Variants in SMYD3 observed in about 807,000 individuals in gnomAD.
SMYD3 encodes the protein histone-lysine N-methyltransferase SMYD3.
In SMYD3, 36 loss-of-function variants were observed where a neutral mutation model predicts 57.7. The observed-to-expected ratio is 0.62, with a 90% confidence interval of 0.48 to 0.82. The LOEUF is 0.82. Ranked by LOEUF, SMYD3 falls within the 40% of genes least tolerant of loss-of-function variation. SMYD3 has a pLI of 0.00. For missense variants in SMYD3, 515 were observed against 538.8 expected, an observed-to-expected ratio of 0.96 and a Z score of 0.44; for synonymous variants, 211 against 195.0, an observed-to-expected ratio of 1.08 and a Z score of -0.68.
chr1:246,330,665 C>G (rs1038309313), intron 3 of SMYD3, 128 bp from the exon 4 acceptor site: 1 of 612,270 alleles, frequency 1.6e-6, no homozygotes, highest in African/African-American at 1.9e-5. Flanking sequence ...TATATTCTTT[C>G]TATTCATCAC....
At chr1:246,216,369 C>T (rs1380589999) in intron 5 of SMYD3, among the ~76,000 whole-genome samples, 1 of 151,688 alleles carries the variant, frequency 6.6e-6, no homozygotes, top group Admixed American at 6.6e-5. Context: ...ATATGGTGAC[C>T]CCAACAACCC....
At chr1:246,398,103 T>C (rs1236645781) in intron 1 of SMYD3, among the ~76,000 whole-genome samples, 2 of 152,130 alleles carry the variant, frequency 1.3e-5, no homozygotes, top group Admixed American at 6.5e-5. Context: ...ACGTCATCTG[T>C]AGGAGCAATT....
At chr1:246,488,421 G>A (rs910067199) in intron 1 of SMYD3, among the ~76,000 whole-genome samples, 7 of 152,220 alleles carry the variant, frequency 4.6e-5, no homozygotes, top group African/African-American at 1.7e-4. Flanking sequence ...TGGGCGTGGT[G>A]GCTCATGCCT....
chr1:246,443,446 C>CA (rs1400140280), intron 1 of SMYD3, among the ~76,000 whole-genome samples: 1 of 152,208 alleles, frequency 6.6e-6, no homozygotes, highest in Non-Finnish European at 1.5e-5. Context: ...CATTAAGAAG[C>CA]AGCCTCTCAG....
At chr1:245,964,564 T>C (rs533996360) in intron 5 of SMYD3, among the ~76,000 whole-genome samples, 54 of 152,288 alleles carry the variant, frequency 3.5e-4, no homozygotes, top group African/African-American at 1.3e-3. Context: ...TTGAAAATGA[T>C]GAATAAGCTA....
intron 2 of SMYD3, among the ~76,000 whole-genome samples, chr1:246,348,878 T>C (rs151205365): frequency 1.2e-3 from 184 of 152,168 alleles, no homozygotes; most frequent in Non-Finnish European, 2.0e-3. Context: ...AACTTACATA[T>C]AGAGGAACAA....
chr1:245,940,511 G>T (rs1433552341), intron 5 of SMYD3, among the ~76,000 whole-genome samples: 107 of 152,102 alleles, frequency 7.0e-4, no homozygotes, highest in Non-Finnish European at 1.0e-4. Context: ...AATACGGTCT[G>T]GAATGGACTC....
rs200773223 is a variant in SMYD3, at chr1:246,260,446, T to TG, written c.531+66754_531+66755insC. 7.1e-3 allele frequency among the ~76,000 whole-genome samples: 1,081 copies of TG among 151,954 alleles called. 16 individuals are homozygous for TG. The highest frequency in any genetic ancestry group is 0.024 in the African/African-American group (984 of 41,342). On this transcript the variant is annotated intron_variant, in intron 5 of 11. Transcript: ENST00000490107. ...CTTTTGTTGTTGTTGTTGTTGTTGT[T>TG]TTTTGTTTGTTTGTTTCTTTTTTGA...
At chr1:246,082,714 TTA>T in intron 5 of SMYD3, among the ~76,000 whole-genome samples, 1 of 152,048 alleles carries the variant, frequency 6.6e-6, no homozygotes, top group Admixed American at 6.5e-5. Flanking sequence ...GATCAGACTG[TTA>T]CTGTGTCTAT....
chr1:246,470,378 C>A (rs1256365490), intron 1 of SMYD3, among the ~76,000 whole-genome samples: 1 of 151,844 alleles, frequency 6.6e-6, no homozygotes, highest in Non-Finnish European at 1.5e-5. Flanking sequence ...CACGTGTAAT[C>A]CCAGCTACTC....
intron 5 of SMYD3, among the ~76,000 whole-genome samples, chr1:246,139,258 G>A (rs982691464): frequency 1.1e-4 from 16 of 152,240 alleles, no homozygotes; most frequent in African/African-American, 3.9e-4. Context: ...ACCAAAAAAT[G>A]TTTATAAAAT....
intron 5 of SMYD3, among the ~76,000 whole-genome samples, chr1:246,240,097 C>T (rs1348544639): frequency 2.6e-5 from 4 of 151,998 alleles, no homozygotes; most frequent in African/African-American, 4.8e-5. Context: ...TAGTTTAATT[C>T]GAACCCATTT....
At chr1:246,370,675 A>G (rs1489911332) in intron 1 of SMYD3, among the ~76,000 whole-genome samples, 2 of 152,232 alleles carry the variant, frequency 1.3e-5, no homozygotes, top group East Asian at 3.8e-4. Flanking sequence ...CAAATTGTTC[A>G]GGATAGTTTT....
At chr1:245,825,921 G>A (rs185236996) in intron 10 of SMYD3, among the ~76,000 whole-genome samples, 225 of 146,836 alleles carry the variant, frequency 1.5e-3, no homozygotes, top group Middle Eastern at 3.5e-3. Context: ...AAAACTCCAC[G>A]TCATTTTCTC....
intron 1 of SMYD3, among the ~76,000 whole-genome samples, chr1:246,425,493 ACT>A (rs1260455718): frequency 2.6e-5 from 4 of 152,038 alleles, no homozygotes; most frequent in African/African-American, 9.7e-5. Context: ...AGCCACAGCC[ACT>A]CTCTGCCTGA....
chr1:246,462,084 G>A (rs896193913), intron 1 of SMYD3, among the ~76,000 whole-genome samples: 1 of 152,310 alleles, frequency 6.6e-6, no homozygotes, highest in Non-Finnish European at 1.5e-5. Flanking sequence ...AGGATAGGAG[G>A]CATCCAGGTG....
rs146011752 is a variant in SMYD3 at position 245,799,505 on chromosome 1, G to A, written c.1077-35356C>T. Among the ~76,000 whole-genome samples the A allele has an allele frequency of 9.0e-5, 7 of 77,386 alleles. No homozygotes were observed. The East Asian group carries it at 2.8e-3, about 31-fold the overall frequency. 50.8% of individuals were successfully genotyped at this position (77,386 alleles called of 152,430 possible). On this transcript the variant is annotated intron_variant, in intron 10 of 11. Coordinates refer to ENST00000490107, the MANE Select transcript of SMYD3 (RefSeq NM_001167740.2). Reference sequence around the variant, plus strand: ...GAACACTAAATGGACTCGAATGCGTGAAGTCTGAGATATCATGACAAGAAG... The same window carrying A: ...GAACACTAAATGGACTCGAATGCGTAAAGTCTGAGATATCATGACAAGAAG...
intron 5 of SMYD3, among the ~76,000 whole-genome samples, chr1:245,944,017 C>T (rs922797557): frequency 2.6e-5 from 4 of 151,944 alleles, no homozygotes; most frequent in Admixed American, 1.3e-4. Context: ...TATGACAAAC[C>T]CACCCAGCCA....
intron 1 of SMYD3, among the ~76,000 whole-genome samples, chr1:246,439,352 C>T (rs941615957): frequency 3.9e-5 from 6 of 152,198 alleles, no homozygotes; most frequent in Non-Finnish European, 5.9e-5. Flanking sequence ...ATTCAAGTTT[C>T]CGTGGACTTT....
Sources: allele counts gnomAD v4.1 joint callset (sites outside exome capture counted in the v4.1 genomes callset), GRCh38; gene constraint gnomAD v4.1.1; transcripts MANE v1.5; gene names NCBI Gene and HGNC (gene_info 2026-07-23, HGNC 2026-07-21).